Variants in NAA35 observed in about 807,000 individuals in gnomAD.
NAA35 encodes N-alpha-acetyltransferase 35, NatC auxiliary subunit.
NAA35 carries 18 observed loss-of-function variants against 101.7 expected under a neutral mutation model. The observed-to-expected ratio is 0.18, with a 90% confidence interval of 0.12 to 0.26. The LOEUF is 0.26. Among genes scored for constraint, NAA35 ranks in the 10% least tolerant of loss-of-function variants. The probability of loss-of-function intolerance (pLI) is 1.00; values close to 1 mark genes in which losing one functional copy is unlikely to be tolerated. For missense variants in NAA35, 601 were observed against 886.8 expected, an observed-to-expected ratio of 0.68 and a Z score of 4.09; for synonymous variants, 267 against 273.1, an observed-to-expected ratio of 0.98 and a Z score of 0.22.
chr9:85,983,587 T>C (rs1242898380), intron 11 of NAA35, among the ~76,000 whole-genome samples: 1 of 151,908 alleles, frequency 6.6e-6, no homozygotes, highest in Non-Finnish European at 1.5e-5. Flanking sequence ...AATCAGTACG[T>C]ATGTAAAACA....
Position 86,020,932 on chromosome 9 carries a change from T to C in NAA35, c.2081T>C (p.Met694Thr). 6.2e-7 allele frequency: 1 copy of C among 1,613,300 alleles called. No individual in the cohort carries two copies. Reference protein sequence around the residue: ...LKVAKPNFVVMKLLAGGHKKE... With the variant: ...LKVAKPNFVVTKLLAGGHKKE... ...GTTGCCAAACCCAACTTTGTGGTTA[T>C]GAAGTTATTGGCAGGAGGACACAAA... The change falls in exon 22 of 23, where the codon ATG becomes ACG. Residue 694 changes from methionine (M) to threonine (T), a missense_variant. Met to Thr is a moderately conservative substitution (Grantham distance 81). Coordinates refer to ENST00000361671, the MANE Select transcript of NAA35 (RefSeq NM_024635.4).
chr9:85,995,002 TA>T (rs1211205354), intron 11 of NAA35, among the ~76,000 whole-genome samples: 1 of 152,100 alleles, frequency 6.6e-6, no homozygotes, highest in East Asian at 1.9e-4. Flanking sequence ...CAAAAATACA[TA>T]ACAACTATCA....
At chr9:86,013,471 C>G (rs2118441737) in intron 16 of NAA35, among the ~76,000 whole-genome samples, 1 of 152,098 alleles carries the variant, frequency 6.6e-6, no homozygotes, top group African/African-American at 2.4e-5. Context: ...TTGATAAGAC[C>G]TGAAGTGTAT....
chr9:85,951,280 A>G (rs546548251), intron 2 of NAA35, among the ~76,000 whole-genome samples: 3 of 152,244 alleles, frequency 2.0e-5, no homozygotes, highest in Non-Finnish European at 4.4e-5. Context: ...AATGTCTGGC[A>G]TAACAGAGGG....
rs141160949 is a variant in NAA35, at chr9:85,972,879, T to C, written c.517-2088T>C. The stretch of plus-strand genomic sequence containing the variant: ...AGTAGTAAATAAAGCCGTGATCTCA[T>C]GGATTATACCTTTCTTGGGACAGAT... On this transcript the variant is annotated intron_variant, in intron 6 of 22. Coordinates refer to ENST00000361671, the MANE Select transcript of NAA35 (RefSeq NM_024635.4). Among the ~76,000 whole-genome samples the C allele has an allele frequency of 5.0e-3, 765 of 152,328 alleles. 4 individuals are homozygous for C. The highest frequency in any genetic ancestry group is 0.018 in the African/African-American group (731 of 41,562).
At chr9:85,978,409 T>C (rs1399095137) in intron 11 of NAA35, 28 bp downstream of exon 11, 1 of 1,432,230 alleles carries the variant, frequency 7.0e-7, no homozygotes, top group Admixed American at 1.7e-5. Context: ...TCCTACTCTT[T>C]CTTTTCTTCG....
chr9:86,017,294 A>G (rs1457464676), intron 18 of NAA35, among the ~76,000 whole-genome samples: 1 of 152,258 alleles, frequency 6.6e-6, no homozygotes, highest in Non-Finnish European at 1.5e-5. Flanking sequence ...CTGGAATTTT[A>G]TAGTATTAGC....
At chr9:85,960,131 C>G (rs937004579) in intron 5 of NAA35, among the ~76,000 whole-genome samples, 35 of 152,106 alleles carry the variant, frequency 2.3e-4, no homozygotes, top group African/African-American at 7.7e-4. Flanking sequence ...CCTTTTCGTT[C>G]TCAAGTTACT....
At chr9:86,007,583 A>T (rs1587652176) in intron 14 of NAA35, 119 bp downstream of exon 14, 2 of 643,930 alleles carry the variant, frequency 3.1e-6, no homozygotes, top group East Asian at 5.4e-5. Flanking sequence ...CATGTAAAGT[A>T]ACTTAATAGT....
At position 86,022,126 on chromosome 9, in the gene NAA35, A is replaced by G; in HGVS notation, c.*166A>G. The G allele has an allele frequency of 3.6e-6, 2 of 559,028 alleles. No homozygotes were observed. The highest frequency in any genetic ancestry group is 6.2e-6 in the Non-Finnish European group (2 of 320,572). 34.6% of individuals were successfully genotyped at this position (559,028 alleles called of 1,614,324 possible). A position where few individuals can be genotyped will look rare whatever the true frequency, so the allele number is the denominator to read the frequency against. ...TGACAGCCTTATATGACATGAATGA[A>G]AACTGCTGTTTTAAAGTGGTTTATT... On this transcript the variant is annotated 3_prime_UTR_variant, in exon 23 of 23. Transcript: ENST00000361671.
chr9:85,943,082 G>A (rs1828594650), intron 2 of NAA35, among the ~76,000 whole-genome samples: 1 of 152,252 alleles, frequency 6.6e-6, no homozygotes, highest in African/African-American at 2.4e-5. Flanking sequence ...GATAATTTCT[G>A]TAACCCTAGT....
At chr9:85,959,740 C>G (rs1829431298) in intron 4 of NAA35, 53 bp from the exon 5 acceptor site, 2 of 1,252,764 alleles carry the variant, frequency 1.6e-6, no homozygotes, top group Non-Finnish European at 2.3e-6. Context: ...TACATAGTAA[C>G]CATAAGTTTA....
At chr9:85,967,846 A>G (rs967700344) in intron 6 of NAA35, among the ~76,000 whole-genome samples, 2 of 151,686 alleles carry the variant, frequency 1.3e-5, no homozygotes, top group Non-Finnish European at 2.9e-5. Context: ...TTTAAATTGG[A>G]TATTTCTGGA....
In NAA35 at chr9:85,977,219, T is replaced by C. The variant is rs1830250281; in HGVS notation, c.679-144T>C. On this transcript the variant is annotated intron_variant, in intron 9 of 22. Transcript: ENST00000361671. ...TGTTTTGTTTTCTGCAGCTCATTTT[T>C]CAGGCTTTTAAAAGCCTGTAAGTGA... 7 of 657,140 alleles carry C rather than the reference T, an allele frequency of 1.1e-5. No homozygotes were observed. The East Asian group carries it at 1.9e-4, about 18-fold the overall frequency. The allele number at this position is 657,140 out of a possible 1,614,324, so 40.7% of individuals were successfully genotyped here. A position where few individuals can be genotyped will look rare whatever the true frequency, so the allele number is the denominator to read the frequency against.
intron 4 of NAA35, among the ~76,000 whole-genome samples, chr9:85,959,375 TCAAAAAAAAAAAAA>T (rs1013632575): frequency 2.0e-4 from 27 of 136,256 alleles, no homozygotes; most frequent in Admixed American, 1.2e-3. Flanking sequence ...AGACTCTGTC[TCAAAAAAAAAAAAA>T]CAAAAAAAAA....
chr9:86,024,423 AT>A lies in NAA35; in HGVS notation c.*2465del, dbSNP rs943645009. On this transcript the variant is annotated 3_prime_UTR_variant, in exon 23 of 23. Transcript: ENST00000361671. ...TAAAGATTTTGGACTTTATTCTGATATTGGTAGATTCTACTGAAGGCTTGTA... is the reference window on the plus strand; with the variant it reads ...TAAAGATTTTGGACTTTATTCTGATATGGTAGATTCTACTGAAGGCTTGTA... Among the ~76,000 whole-genome samples the A allele has an allele frequency of 5.9e-5, 9 of 152,156 alleles. No individual in the cohort carries two copies. Among genetic ancestry groups the A allele is most frequent in the African/African-American group, 2.2e-4 (9 of 41,424 alleles).
At position 85,972,246 on chromosome 9, in the gene NAA35, C is replaced by G. The variant is rs1436933888; in HGVS notation, c.517-2721C>G. ...GGAAGCTGGATGTGGTGGCTCACAC[C>G]TGTAATCCCAGCACTTTGGGAGGCT... On this transcript the variant is annotated intron_variant, in intron 6 of 22. Coordinates refer to ENST00000361671, the MANE Select transcript of NAA35 (RefSeq NM_024635.4). Among the ~76,000 whole-genome samples, 3 of 151,924 alleles carry G rather than the reference C, an allele frequency of 2.0e-5. No individual in the cohort carries two copies. In the South Asian group the frequency reaches 6.2e-4, roughly 32 times the overall value.
At chr9:85,947,036 T>A (rs1386238965) in intron 2 of NAA35, among the ~76,000 whole-genome samples, 2 of 152,322 alleles carry the variant, frequency 1.3e-5, no homozygotes, top group East Asian at 3.9e-4. Context: ...GAATGAATTT[T>A]CTAAGGCCAT....
At chr9:85,946,499 T>C (rs953997669) in intron 2 of NAA35, among the ~76,000 whole-genome samples, 3 of 152,138 alleles carry the variant, frequency 2.0e-5, no homozygotes, top group Non-Finnish European at 4.4e-5. Flanking sequence ...TCCATTCTTT[T>C]TATGTTTTAG....
Sources: allele counts gnomAD v4.1 joint callset (sites outside exome capture counted in the v4.1 genomes callset), GRCh38; gene constraint gnomAD v4.1.1; transcripts MANE v1.5; gene names NCBI Gene and HGNC (gene_info 2026-07-23, HGNC 2026-07-21).